Variants in TAFA1 observed in about 807,000 individuals in gnomAD.
The protein encoded by TAFA1 is chemokine-like protein TAFA-1.
A neutral mutation model predicts 18.5 loss-of-function variants in TAFA1; 4 were observed. The observed-to-expected ratio is 0.22, with a 90% CI of 0.11 to 0.49. The LOEUF (loss-of-function observed/expected upper bound fraction) is 0.49, where lower values mean the gene tolerates loss of function less well. TAFA1 is among the 20% of genes least tolerant of loss of function. The pLI, the probability that TAFA1 is intolerant of heterozygous loss-of-function variation, is 0.98. For synonymous variants in TAFA1, 56 were observed against 55.2 expected, an observed-to-expected ratio of 1.01 and a Z score of -0.06; for missense variants, 147 against 169.0, an observed-to-expected ratio of 0.87 and a Z score of 0.72.
intron 2 of TAFA1, among the ~76,000 whole-genome samples, chr3:68,049,697 A>C (rs1325227329): frequency 1.3e-5 from 2 of 151,878 alleles, no homozygotes; most frequent in Non-Finnish European, 2.9e-5. Context: ...GGAGAGAGGA[A>C]AGTTTCCCTC....
intron 2 of TAFA1, among the ~76,000 whole-genome samples, chr3:68,308,938 A>C (rs1195148633): frequency 6.6e-6 from 1 of 152,154 alleles, no homozygotes. Context: ...TCCAATCTTT[A>C]TCACCTTGCT....
At chr3:68,170,103 T>A (rs896138457) in intron 2 of TAFA1, among the ~76,000 whole-genome samples, 2 of 152,158 alleles carry the variant, frequency 1.3e-5, no homozygotes, top group African/African-American at 2.4e-5. Flanking sequence ...AACATAAGTA[T>A]CAGTAAGAAG....
At chr3:68,202,029 C>T (rs528037790) in intron 2 of TAFA1, among the ~76,000 whole-genome samples, 2 of 151,634 alleles carry the variant, frequency 1.3e-5, no homozygotes, top group Non-Finnish European at 3.0e-5. Context: ...ACTGCAAAAA[C>T]AGCACCAAGT....
At chr3:68,480,462 G>C (rs1386175732) in intron 3 of TAFA1, among the ~76,000 whole-genome samples, 1 of 152,028 alleles carries the variant, frequency 6.6e-6, no homozygotes, top group African/African-American at 2.4e-5. Context: ...AGGACCAACT[G>C]AGTCAGAAAG....
chr3:68,541,361 G>A (rs2073371115), intron 4 of TAFA1, among the ~76,000 whole-genome samples: 1 of 152,194 alleles, frequency 6.6e-6, no homozygotes, highest in Admixed American at 6.5e-5. Flanking sequence ...TCTATTCTGT[G>A]TAAATGGTGT....
intron 2 of TAFA1, among the ~76,000 whole-genome samples, chr3:68,209,548 T>C (rs2066569968): frequency 6.6e-6 from 1 of 152,034 alleles, no homozygotes; most frequent in African/African-American, 2.4e-5. Context: ...TCTTAACCAG[T>C]TTATTTGCTG....
At chr3:68,433,989 A>T (rs770865776) in intron 3 of TAFA1, among the ~76,000 whole-genome samples, 1 of 152,124 alleles carries the variant, frequency 6.6e-6, no homozygotes, top group Non-Finnish European at 1.5e-5. Context: ...TCCTGAGTGT[A>T]TCACAGACTC....
intron 3 of TAFA1, among the ~76,000 whole-genome samples, chr3:68,459,442 G>A (rs2071732328): frequency 6.6e-6 from 1 of 152,080 alleles, no homozygotes; most frequent in Non-Finnish European, 1.5e-5. Flanking sequence ...AAATTTTTAA[G>A]TAGTGACTCA....
At chr3:68,532,445 G>T (rs557008233) in intron 3 of TAFA1, among the ~76,000 whole-genome samples, 1 of 152,148 alleles carries the variant, frequency 6.6e-6, no homozygotes, top group Non-Finnish European at 1.5e-5. Context: ...GGGGGATGGA[G>T]GGTGGGCAGT....
chr3:68,262,306 G>T (rs1274560173), intron 2 of TAFA1, among the ~76,000 whole-genome samples: 1 of 35,668 alleles, frequency 2.8e-5, no homozygotes, highest in Non-Finnish European at 5.1e-5. Flanking sequence ...AGATATGGAG[G>T]GTATATATAT....
intron 2 of TAFA1, among the ~76,000 whole-genome samples, chr3:68,325,739 G>GT (rs2068766291): frequency 6.6e-6 from 1 of 152,166 alleles, no homozygotes; most frequent in South Asian, 2.1e-4. Flanking sequence ...CCATAGTTGT[G>GT]TTAATCATAA....
Position 68,542,708 on chromosome 3 carries a change from T to A in TAFA1, c.385-1778T>A, listed in dbSNP as rs548303295. On this transcript the variant is annotated intron_variant, in intron 4 of 4. Coordinates refer to ENST00000478136, the MANE Select transcript of TAFA1 (RefSeq NM_213609.4). ...GTTTTAATATTTAAAGGGAAAAGGG[T>A]GGATATTGGGGAAAGAAGCAAATTT... Among the ~76,000 whole-genome samples the A allele has an allele frequency of 1.7e-4, 26 of 152,160 alleles. 1 individual carries two copies. In the East Asian group the frequency reaches 4.1e-3, roughly 24 times the overall value.
intron 2 of TAFA1, chr3:68,144,989 A>T: frequency 7.1e-7 from 1 of 1,412,476 alleles, no homozygotes; most frequent in Non-Finnish European, 1.0e-6. Flanking sequence ...CTAGGCCCGG[A>T]GACCGGCCGT....
At position 68,012,741 on chromosome 3, in the gene TAFA1, C is replaced by A. The variant is rs562201078; in HGVS notation, c.118+5997C>A. ...TTTCAATGGTAAAATTAGAAAGATA[C>A]CAAACCACGTTTCCAGTTTAAGAAA... On this transcript the variant is annotated intron_variant, in intron 2 of 4. Transcript: ENST00000478136. 4.6e-3 allele frequency among the ~76,000 whole-genome samples: 692 copies of A among 152,084 alleles called. 4 individuals are homozygous for A. The highest frequency in any genetic ancestry group is 0.015 in the African/African-American group (630 of 41,498).
chr3:68,513,430 G>C (rs1176805016), intron 3 of TAFA1, among the ~76,000 whole-genome samples: 4 of 152,076 alleles, frequency 2.6e-5, no homozygotes, highest in Non-Finnish European at 5.9e-5. Context: ...GACTGAGAAG[G>C]AACTTTAATT....
chr3:68,435,237 A>G (rs4855475), intron 3 of TAFA1, among the ~76,000 whole-genome samples: 100,988 of 151,938 alleles, frequency 0.66, 34,311 homozygotes, highest in African/African-American at 0.8. Context: ...AAAGCCCAGC[A>G]TCAACAAGAA....
At chr3:68,279,988 C>T (rs1575742180) in intron 2 of TAFA1, among the ~76,000 whole-genome samples, 1 of 152,140 alleles carries the variant, frequency 6.6e-6, no homozygotes, top group Non-Finnish European at 1.5e-5. Flanking sequence ...CCCAAATTCT[C>T]ATCCTATACA....
intron 2 of TAFA1, among the ~76,000 whole-genome samples, chr3:68,315,658 T>C (rs1049527054): frequency 2.6e-5 from 4 of 152,214 alleles, no homozygotes; most frequent in African/African-American, 7.2e-5. Context: ...ACATCTCATG[T>C]TGAAACAGCT....
intron 2 of TAFA1, among the ~76,000 whole-genome samples, chr3:68,046,051 A>C (rs1705261682): frequency 6.6e-6 from 1 of 152,106 alleles, no homozygotes; most frequent in Non-Finnish European, 1.5e-5. Context: ...CTCCTCTTAG[A>C]TTTACAGTAA....
Sources: allele counts gnomAD v4.1 joint callset (sites outside exome capture counted in the v4.1 genomes callset), GRCh38; gene constraint gnomAD v4.1.1; transcripts MANE v1.5; gene names NCBI Gene and HGNC (gene_info 2026-07-23, HGNC 2026-07-21).